The following PER1 variants were observed in gnomAD, a reference collection of about 807,000 sequenced individuals.
PER1 encodes period circadian protein homolog 1.
A neutral mutation model predicts 125.9 loss-of-function variants in PER1; 87 were observed. The ratio of observed to expected loss-of-function variants is 0.69; its 90% CI spans 0.58 to 0.83. PER1 has a LOEUF of 0.83. Among genes scored for constraint, PER1 ranks in the 40% least tolerant of loss-of-function variants. The probability of loss-of-function intolerance (pLI) is 0.00; values close to 1 mark genes in which losing one functional copy is unlikely to be tolerated. For synonymous variants in PER1, 801 were observed against 714.7 expected, an observed-to-expected ratio of 1.12 and a Z score of -1.93; for missense variants, 1,775 against 1,722.8, an observed-to-expected ratio of 1.03 and a Z score of -0.54.
intron 18 of PER1, chr17:8,144,389 G>C (rs1216474437): frequency 1.6e-5 from 7 of 428,840 alleles, no homozygotes; most frequent in Non-Finnish European, 2.5e-5. Flanking sequence ...TTGAAGCCCA[G>C]ACCCCACCCA....
In PER1 at chr17:8,146,067, C is replaced by T. The variant is rs767125095; in HGVS notation, c.2109G>A (p.Leu703=). ...CCTTATTGGCCAGGGCGAGCGGGCT[C>T]AGGGTGCCTCCCACCACTGGCTCCT... ...PRKEPVVGGT[L]SPLALANKAE... is the part of the protein sequence containing the mutation. Residue 703 remains leucine (L), a synonymous_variant, in exon 17 of 23, where the codon CTG becomes CTA. Coordinates refer to ENST00000317276, the MANE Select transcript of PER1 (RefSeq NM_002616.3). 3.1e-6 allele frequency: 5 copies of T among 1,613,910 alleles called. No individual in the cohort carries two copies. Among genetic ancestry groups the T allele is most frequent in the East Asian group, 2.2e-5 (1 of 44,884 alleles).
Position 8,143,247 on chromosome 17 carries a change from C to A in PER1, c.3072+19G>T. On this transcript the variant is annotated intron_variant, in intron 19 of 22. Transcript: ENST00000317276. ...GCTGGGGTGGGGGCTGGCAGGCAGA[C>A]GCAGGGGTCAGTGCTCACCAGTCTG... 1 of 1,445,136 alleles carries A rather than the reference C, an allele frequency of 6.9e-7. No homozygotes were observed. 89.5% of individuals were successfully genotyped at this position (1,445,136 alleles called of 1,614,324 possible).
rs200162062 is a variant in PER1 at position 8,142,606 on chromosome 17, A to G, written c.3259+43T>C. 254 of 1,600,420 alleles carry G rather than the reference A, an allele frequency of 1.6e-4. 1 individual carries two copies. Among genetic ancestry groups the G allele is most frequent in the African/African-American group, 4.2e-4 (31 of 74,622 alleles). ...CGGGGCCTGGGCTCCCGGCTCCCCA[A>G]TCACTGCCCTACCCTGGGAGATGCT... On this transcript the variant is annotated intron_variant, in intron 20 of 22. Transcript: ENST00000317276.
At chr17:8,143,991 C>T in intron 18 of PER1, 115 bp from the exon 19 acceptor site, 1 of 1,447,776 alleles carries the variant, frequency 6.9e-7, no homozygotes, top group Admixed American at 2.5e-5. Context: ...CCAGAGAGAG[C>T]TTCTCAACCC....
Position 8,142,736 on chromosome 17 carries a change from C to G in PER1, c.3172G>C (p.Ala1058Pro), listed in dbSNP as rs1185403493. ...QEDSRSGTGS[A>P]ASGSLGSGLG... is the part of the protein sequence containing the mutation. ...CCAGAGCCCAAGGAGCCCGAGGCTGCGGAGCCTGTGCCGGAGCGCGAGTCC... is the reference window on the plus strand; with the variant it reads ...CCAGAGCCCAAGGAGCCCGAGGCTGGGGAGCCTGTGCCGGAGCGCGAGTCC... The change falls in exon 20 of 23, where the codon GCA (alanine) becomes CCA (proline). Residue 1058 changes from alanine to proline, a missense_variant. By Grantham distance (27) the Ala-to-Pro change is conservative (BLOSUM62 -1). Coordinates refer to ENST00000317276, the MANE Select transcript of PER1 (RefSeq NM_002616.3). The G allele has an allele frequency of 6.2e-7, 1 of 1,613,882 alleles. No individual in the cohort carries two copies. Among genetic ancestry groups the G allele is most frequent in the Admixed American group, 1.7e-5 (1 of 60,012 alleles).
rs574749695 is a variant in PER1, at chr17:8,140,870, G to A, written c.*198C>T. The A allele has an allele frequency of 2.5e-5, 15 of 594,628 alleles. No homozygotes were observed. Among genetic ancestry groups the A allele is most frequent in the African/African-American group, 3.7e-5 (2 of 54,118 alleles). 36.8% of individuals were successfully genotyped at this position (594,628 alleles called of 1,614,324 possible). On this transcript the variant is annotated 3_prime_UTR_variant, in exon 23 of 23. Transcript: ENST00000317276. ...GTGACACTCCTCTGGGCTGGGCTGC[G>A]GAGTTCTGCTCTCTGCTCCCTAAGA... is the stretch of plus-strand genomic sequence containing the variant.
intron 1 of PER1, among the ~76,000 whole-genome samples, chr17:8,151,776 C>T (rs986941785): frequency 9.2e-5 from 14 of 152,128 alleles, no homozygotes; most frequent in African/African-American, 3.4e-4. Flanking sequence ...CAACCCCAAG[C>T]CTTGGGCAGA....
intron 16 of PER1, 106 bp downstream of exon 16, chr17:8,146,266 G>T: frequency 6.6e-7 from 1 of 1,520,268 alleles, no homozygotes; most frequent in Non-Finnish European, 8.9e-7. Flanking sequence ...CAGGAGGCTG[G>T]GGAGGAGAGC....
At chr17:8,142,986 A>C (rs1343491113) in intron 19 of PER1, 151 bp from the exon 20 acceptor site, 9 of 663,582 alleles carry the variant, frequency 1.4e-5, no homozygotes, top group Admixed American at 8.2e-5. Context: ...GAGAGAGAAG[A>C]AAGCTGGCGA....
In PER1 at chr17:8,146,642, G is replaced by A. The variant is rs1982461716; in HGVS notation, c.1859C>T (p.Ala620Val). ...GATCTGCTGGTAGGAGCAGCTGGAG[G>A]CTTCTTTCCTCTCGGCCTCCTCAGG... ...LVPEEAERKEASSCSYQQINC... is the reference protein window; with the variant it reads ...LVPEEAERKEVSSCSYQQINC... Residue 620 changes from alanine to valine, a missense_variant, in exon 15 of 23, where the codon GCC becomes GTC. Ala to Val is a moderately conservative substitution (Grantham distance 64). Coordinates refer to ENST00000317276, the MANE Select transcript of PER1 (RefSeq NM_002616.3). 1.2e-6 allele frequency: 2 copies of A among 1,613,650 alleles called. No homozygotes were observed. Among genetic ancestry groups the A allele is most frequent in the Non-Finnish European group, 1.7e-6 (2 of 1,179,860 alleles).
At chr17:8,145,324 C>CTTTTTTTTTTTT (rs398030276) in intron 17 of PER1, among the ~76,000 whole-genome samples, 3 of 125,518 alleles carry the variant, frequency 2.4e-5, no homozygotes, top group Non-Finnish European at 4.8e-5. Context: ...TTTCTTGTTT[C>CTTTTTTTTTTTT]TTTTTTTTTT....
chr17:8,147,773 C>G lies in PER1; in HGVS notation c.1289G>C (p.Arg430Pro). Residue 430 changes from arginine (R) to proline (P), a missense_variant, in exon 11 of 23, where the codon CGC (arginine) becomes CCC (proline). Physicochemically the swap from Arg to Pro is moderately radical, Grantham distance 103. Transcript: ENST00000317276. ...GTCCATGGTGACATACTCCCCGTTG[C>G]GGGCACAGAAGCGGATAGGGGAGTG... is the stretch of plus-strand genomic sequence containing the variant. ...FDHSPIRFCA[R>P]NGEYVTMDTS... The G allele has an allele frequency of 1.9e-6, 3 of 1,613,998 alleles. No individual in the cohort carries two copies. Among genetic ancestry groups the G allele is most frequent in the Non-Finnish European group, 2.5e-6 (3 of 1,179,990 alleles).
chr17:8,141,178 G>C lies in PER1; in HGVS notation c.3763C>G (p.Gln1255Glu). ...GAGCTTGAAGCCTTGGCCCCGCCTTGGGCCTCCTCGCAGCCCTCTCCCTCA... is the reference window on the plus strand; with the variant it reads ...GAGCTTGAAGCCTTGGCCCCGCCTTCGGCCTCCTCGCAGCCCTCTCCCTCA... Reference protein sequence around the residue: ...SGEGEGCEEAQGGAKASSSQD... With the variant: ...SGEGEGCEEAEGGAKASSSQD... The change falls in exon 23 of 23, where the codon CAA becomes GAA. Residue 1255 changes from glutamine (Q) to glutamate (E), a missense_variant. Transcript: ENST00000317276. The C allele has an allele frequency of 6.2e-7, 1 of 1,614,140 alleles. No homozygotes were observed.
chr17:8,147,612 G>T, intron 11 of PER1, 34 bp from the exon 12 acceptor site: 1 of 1,612,892 alleles, frequency 6.2e-7, no homozygotes, highest in Non-Finnish European at 8.5e-7. Context: ...GCCCTGGCCC[G>T]GTCCTGTCCC....
chr17:8,141,703 CTCAAT>C (rs993318553), intron 22 of PER1, 97 bp downstream of exon 22: 1 of 1,032,616 alleles, frequency 9.7e-7, no homozygotes, highest in African/African-American at 2.3e-5. Flanking sequence ...TGAACTTGAG[CTCAAT>C]TCTTTTTTCT....
intron 8 of PER1, 147 bp downstream of exon 8, chr17:8,148,497 A>AAG: frequency 9.4e-7 from 1 of 1,060,858 alleles, no homozygotes; most frequent in Non-Finnish European, 1.4e-6. Context: ...CTCTACCTCT[A>AAG]AGAGGAGCTC....
Position 8,149,978 on chromosome 17 carries a change from C to T in PER1, c.522G>A (p.Gln174=). Residue 174 remains glutamine, a synonymous_variant, in exon 4 of 23, where the codon CAG becomes CAA. Transcript: ENST00000317276. ...TTGGGACACACCACTTACCCTGCAC[C>T]TGCTTGACACAGGCCAGTGCGTACT... ...TLQYALACVK[Q]VQANQEYYQQ... 1.9e-6 allele frequency: 3 copies of T among 1,613,476 alleles called. No homozygotes were observed. The highest frequency in any genetic ancestry group is 2.5e-6 in the Non-Finnish European group (3 of 1,179,454).
In PER1 at chr17:8,150,080, T is replaced by G. The variant is rs1982742223; in HGVS notation, c.420A>C (p.Thr140=). The change falls in exon 4 of 23, where the codon ACA becomes ACC. Residue 140 remains threonine (T), a synonymous_variant. Coordinates refer to ENST00000317276, the MANE Select transcript of PER1 (RefSeq NM_002616.3). The stretch of plus-strand genomic sequence containing the variant: ...GTCGAAGCTTGAGCTCTCGAAGTGC[T>G]GTCATGAGTTCCTTCTGAGTCCTTG... The part of the protein sequence containing the change: ...ARARTQKELM[T]ALRELKLRLP... The G allele has an allele frequency of 1.9e-6, 3 of 1,614,106 alleles. No homozygotes were observed. In the African/African-American group the frequency reaches 4.0e-5, roughly 22 times the overall value.
Position 8,142,356 on chromosome 17 carries a change from A to T in PER1, c.3362T>A (p.Val1121Glu). ...GGGATCCTGGAGCACGTACTTAATCACCTGGTCCCCAGGCTCAGCCCCGCC... is the reference window on the plus strand; with the variant it reads ...GGGATCCTGGAGCACGTACTTAATCTCCTGGTCCCCAGGCTCAGCCCCGCC... ...ARGGAEPGDQ[V>E]IKYVLQDPIW... Residue 1121 changes from valine to glutamate, a missense_variant, in exon 21 of 23, where the codon GTG becomes GAG. Val to Glu is a moderately radical substitution (Grantham distance 121). Coordinates refer to ENST00000317276, the MANE Select transcript of PER1 (RefSeq NM_002616.3). The T allele has an allele frequency of 6.2e-7, 1 of 1,613,558 alleles. No homozygotes were observed. The highest frequency in any genetic ancestry group is 8.5e-7 in the Non-Finnish European group (1 of 1,179,816).
Sources: gnomAD v4.1 joint callset for allele counts (sites outside exome capture counted in the v4.1 genomes callset) on GRCh38, gnomAD v4.1.1 for gene constraint, MANE v1.5 for transcripts, NCBI Gene and HGNC (gene_info 2026-07-23, HGNC 2026-07-21) for gene names.